RMST: variants seen among roughly 807,000 people sequenced by gnomAD.
RMST encodes long intergenic non-protein coding RNA 54.
intron 11 of RMST, among the ~76,000 whole-genome samples, chr12:97,549,702 C>A (rs916401679): frequency 6.6e-6 from 1 of 152,086 alleles, no homozygotes; most frequent in Non-Finnish European, 1.5e-5. Flanking sequence ...AAAATATATC[C>A]CTGAAGGTTT....
intron 5 of RMST, among the ~76,000 whole-genome samples, chr12:97,470,690 T>C (rs1342428346): frequency 6.6e-6 from 1 of 151,994 alleles, no homozygotes; most frequent in Non-Finnish European, 1.5e-5. Flanking sequence ...GAAAGTGCAA[T>C]TGTGTTGTGT....
chr12:97,469,061 A>G (rs1873553143), intron 5 of RMST, among the ~76,000 whole-genome samples: 1 of 151,670 alleles, frequency 6.6e-6, no homozygotes, highest in South Asian at 2.1e-4. Context: ...TACTCTTTAA[A>G]TGGCTTAAGA....
intron 5 of RMST, among the ~76,000 whole-genome samples, chr12:97,483,763 T>C (rs1470527664): frequency 6.6e-6 from 1 of 152,216 alleles, no homozygotes; most frequent in Non-Finnish European, 1.5e-5. Flanking sequence ...GAAGTATTAA[T>C]TGATTCTTGT....
At chr12:97,525,832 G>A (rs1881033639) in intron 10 of RMST, among the ~76,000 whole-genome samples, 1 of 152,158 alleles carries the variant, frequency 6.6e-6, no homozygotes, top group Admixed American at 6.5e-5. Context: ...AGTGAGAGAA[G>A]CTTCATCTGT....
intron 10 of RMST, among the ~76,000 whole-genome samples, chr12:97,521,836 A>AT (rs1880547581): frequency 6.6e-6 from 1 of 152,058 alleles, no homozygotes; most frequent in Non-Finnish European, 1.5e-5. Context: ...TTATTTATTT[A>AT]TTTTCCCAGT....
intron 10 of RMST, among the ~76,000 whole-genome samples, chr12:97,503,486 TA>T (rs1006379618): frequency 6.7e-5 from 10 of 150,366 alleles, no homozygotes; most frequent in Non-Finnish European, 1.0e-4. Context: ...GGATGCTTAT[TA>T]AAAAAAAATA....
intron 5 of RMST, among the ~76,000 whole-genome samples, chr12:97,490,835 T>G (rs1256459876): frequency 1.3e-5 from 2 of 152,310 alleles, no homozygotes; most frequent in East Asian, 3.9e-4. Context: ...GTTGGAAGTT[T>G]GCACCCAGCG....
At chr12:97,513,095 G>T (rs1266954420) in intron 10 of RMST, among the ~76,000 whole-genome samples, 1 of 152,204 alleles carries the variant, frequency 6.6e-6, no homozygotes, top group African/African-American at 2.4e-5. Context: ...ACCGCGCGCA[G>T]CCCGGGTTCC....
intron 10 of RMST, among the ~76,000 whole-genome samples, chr12:97,522,513 C>T (rs1235918533): frequency 6.6e-6 from 1 of 152,120 alleles, no homozygotes; most frequent in Non-Finnish European, 1.5e-5. Flanking sequence ...CACATGTGGC[C>T]TCACTTCTTG....
intron 11 of RMST, among the ~76,000 whole-genome samples, chr12:97,556,383 A>T (rs753916914): frequency 1.3e-5 from 2 of 152,230 alleles, no homozygotes; most frequent in Admixed American, 6.5e-5. Flanking sequence ...GTTAAAAGGC[A>T]GCTGGGCGGC....
At chr12:97,550,737 A>T (rs1008753069) in intron 11 of RMST, among the ~76,000 whole-genome samples, 4 of 152,184 alleles carry the variant, frequency 2.6e-5, no homozygotes, top group African/African-American at 9.6e-5. Flanking sequence ...TCTAGAACAT[A>T]GCATCATATT....
intron 10 of RMST, among the ~76,000 whole-genome samples, chr12:97,511,629 A>C (rs1174902042): frequency 6.6e-6 from 1 of 152,216 alleles, no homozygotes; most frequent in Non-Finnish European, 1.5e-5. Flanking sequence ...GGTGTGACCC[A>C]CAGCAAGTTA....
intron 5 of RMST, among the ~76,000 whole-genome samples, chr12:97,490,050 C>T (rs1439608546): frequency 6.6e-6 from 1 of 152,118 alleles, no homozygotes; most frequent in Non-Finnish European, 1.5e-5. Flanking sequence ...CAGTTCCTTT[C>T]TTATGTGATA....
chr12:97,541,785 G>C (rs1465571827), intron 11 of RMST, among the ~76,000 whole-genome samples: 1 of 150,864 alleles, frequency 6.6e-6, no homozygotes, highest in Non-Finnish European at 1.5e-5. Flanking sequence ...TTTTATATAG[G>C]AAACAGAAAA....
At chr12:97,506,762 C>A (rs1423993370) in intron 10 of RMST, among the ~76,000 whole-genome samples, 1 of 145,796 alleles carries the variant, frequency 6.9e-6, no homozygotes, top group Non-Finnish European at 1.5e-5. Flanking sequence ...CCGCTCACTG[C>A]AACCTCTGCC....
At chr12:97,490,275 C>G (rs1876628904) in intron 5 of RMST, among the ~76,000 whole-genome samples, 1 of 152,188 alleles carries the variant, frequency 6.6e-6, no homozygotes, top group Non-Finnish European at 1.5e-5. Flanking sequence ...ATTTAAATCT[C>G]TATGCATAAT....
chr12:97,540,421 G>A (rs983523508), intron 11 of RMST, among the ~76,000 whole-genome samples: 17 of 151,728 alleles, frequency 1.1e-4, no homozygotes, highest in African/African-American at 3.9e-4. Context: ...TTGTCTGACC[G>A]AAGGAACTCT....
chr12:97,475,748 C>A (rs1055665359), intron 5 of RMST, among the ~76,000 whole-genome samples: 1 of 151,926 alleles, frequency 6.6e-6, no homozygotes, highest in African/African-American at 2.4e-5. Context: ...GTAGTGGGTC[C>A]TCTTGTTGAT....
chr12:97,511,944 T>C (rs940000653), intron 10 of RMST, among the ~76,000 whole-genome samples: 1 of 152,246 alleles, frequency 6.6e-6, no homozygotes, highest in Non-Finnish European at 1.5e-5. Context: ...AATAGTTATG[T>C]GTCCGGAATT....
Sources: gnomAD v4.1 joint callset for allele counts (sites outside exome capture counted in the v4.1 genomes callset) on GRCh38, gnomAD v4.1.1 for gene constraint, MANE v1.5 for transcripts, NCBI Gene and HGNC (gene_info 2026-07-23, HGNC 2026-07-21) for gene names.